The following TRIP11 variants were observed in gnomAD, a reference collection of about 807,000 sequenced individuals.
TRIP11 encodes thyroid receptor-interacting protein 11.
A neutral mutation model predicts 223.1 loss-of-function variants in TRIP11; 148 were observed. The ratio of observed to expected loss-of-function variants is 0.66; its 90% CI spans 0.58 to 0.76. The LOEUF is 0.76. TRIP11 is among the 30% of genes least tolerant of loss of function. The probability of loss-of-function intolerance (pLI) is 0.00; values close to 1 mark genes in which losing one functional copy is unlikely to be tolerated. For missense variants in TRIP11, 2,043 were observed against 2,222.0 expected (o/e 0.92, Z 1.62); for synonymous variants, 762 against 772.6 (o/e 0.99, Z 0.23).
intron 2 of TRIP11, among the ~76,000 whole-genome samples, chr14:92,031,310 G>T (rs2057262704): frequency 2.0e-5 from 3 of 151,966 alleles, no homozygotes; most frequent in South Asian, 4.2e-4. Context: ...GTAGAGACAG[G>T]GTTTCACCAT....
intron 16 of TRIP11, among the ~76,000 whole-genome samples, chr14:91,979,996 T>C (rs866089749): frequency 7.1e-6 from 1 of 141,624 alleles, no homozygotes; most frequent in East Asian, 2.0e-4. Context: ...AAAAAAAAGG[T>C]GGAGGGGGGA....
chr14:92,019,517 AAAG>A (rs1415982369), intron 4 of TRIP11, among the ~76,000 whole-genome samples: 1 of 152,248 alleles, frequency 6.6e-6, no homozygotes, highest in Non-Finnish European at 1.5e-5. Flanking sequence ...GCAACTTGTG[AAAG>A]AAGGAGATAA....
chr14:92,011,621 A>C (rs2056974800), intron 8 of TRIP11, 134 bp downstream of exon 8: 1 of 737,542 alleles, frequency 1.4e-6, no homozygotes, highest in Non-Finnish European at 2.2e-6. Flanking sequence ...ATATATTTAC[A>C]AAATAACTTC....
Position 92,006,067 on chromosome 14 carries a change from T to G in TRIP11, c.1909A>C (p.Ser637Arg), listed in dbSNP as rs780985679. ...LMQSLNQDSN[S>R]NFKDTLLKER... Reference sequence around the variant, plus strand: ...TTAAGTAAGGTATCCTTAAAATTACTATTAGAGTCTTGATTTAGAGACTGC... The same window carrying G: ...TTAAGTAAGGTATCCTTAAAATTACGATTAGAGTCTTGATTTAGAGACTGC... The change falls in exon 11 of 21, where the codon AGT (serine) becomes CGT (arginine). Residue 637 changes from serine to arginine, a missense_variant. Transcript: ENST00000267622. 6.3e-7 allele frequency: 1 copy of G among 1,585,414 alleles called. No homozygotes were observed. The highest frequency in any genetic ancestry group is 1.2e-5 in the South Asian group (1 of 84,530).
chr14:92,023,045 TA>T (rs1566871045), intron 3 of TRIP11, among the ~76,000 whole-genome samples: 1 of 152,214 alleles, frequency 6.6e-6, no homozygotes, highest in Non-Finnish European at 1.5e-5. Context: ...TAGCTATATT[TA>T]AAAAGCTATC....
At position 91,992,908 on chromosome 14, in the gene TRIP11, CAAAAAAAAAAAAAAAAA is replaced by C. The variant is rs550702989; in HGVS notation, c.5160+884_5160+900del. On this transcript the variant is annotated intron_variant, in intron 15 of 20. Coordinates refer to ENST00000267622, the MANE Select transcript of TRIP11 (RefSeq NM_004239.4). ...TGGGCAACAGAGCGAGACTCCGTCT[CAAAAAAAAAAAAAAAAA>C]AAAAAAAAAAAAAAAGACAAGTTTC... is the stretch of plus-strand genomic sequence containing the variant. Among the ~76,000 whole-genome samples the C allele has an allele frequency of 1.5e-3, 45 of 29,258 alleles. 1 individual carries two copies. In the East Asian group the frequency reaches 0.027, roughly 18 times the overall value. 19.2% of individuals were successfully genotyped at this position (29,258 alleles called of 152,430 possible).
intron 16 of TRIP11, chr14:91,977,178 C>T (rs984555907): frequency 1.6e-5 from 7 of 448,548 alleles, no homozygotes; most frequent in African/African-American, 8.1e-5. Context: ...ATACAAGTTC[C>T]GTTATCAGAT....
At chr14:91,991,904 G>A (rs999092478) in intron 15 of TRIP11, among the ~76,000 whole-genome samples, 3 of 151,760 alleles carry the variant, frequency 2.0e-5, no homozygotes, top group Non-Finnish European at 4.4e-5. Flanking sequence ...CCAACATGGT[G>A]AAACCCTGTC....
At chr14:92,029,075 T>C (rs538158503) in intron 2 of TRIP11, among the ~76,000 whole-genome samples, 4 of 152,230 alleles carry the variant, frequency 2.6e-5, no homozygotes, top group African/African-American at 7.2e-5. Context: ...AGAAAAATCA[T>C]GGGAGCAAAA....
intron 19 of TRIP11, among the ~76,000 whole-genome samples, chr14:91,973,983 G>A (rs540977050): frequency 2.6e-5 from 4 of 152,262 alleles, no homozygotes; most frequent in South Asian, 2.1e-4. Context: ...AGCCAAGATC[G>A]CACCACTGCA....
At position 91,975,233 on chromosome 14, in the gene TRIP11, C is replaced by G. The variant is rs1250482723; in HGVS notation, c.5396G>C (p.Arg1799Pro). 5.0e-6 allele frequency: 8 copies of G among 1,613,726 alleles called. No individual in the cohort carries two copies. The highest frequency in any genetic ancestry group is 6.8e-6 in the Non-Finnish European group (8 of 1,179,822). ...IGHFHTPKNQ[R>P]HEVLRLMGSI... is the part of the protein sequence containing the mutation. ...CCCCATTAACCGTAACACTTCATGA[C>G]GCTGATTTTTCGGTGTGTGGAAATG... Residue 1799 changes from arginine to proline, a missense_variant, in exon 18 of 21, where the codon CGT becomes CCT. By Grantham distance (103) the Arg-to-Pro change is moderately radical. Transcript: ENST00000267622.
intron 13 of TRIP11, among the ~76,000 whole-genome samples, chr14:91,997,276 TACA>T (rs1422690978): frequency 2.0e-5 from 3 of 152,138 alleles, no homozygotes; most frequent in East Asian, 1.9e-4. Context: ...GAGTTACTCA[TACA>T]ACAAGTATTT....
chr14:92,010,032 C>T (rs982960258), intron 9 of TRIP11, among the ~76,000 whole-genome samples: 12 of 152,164 alleles, frequency 7.9e-5, no homozygotes, highest in African/African-American at 1.2e-4. Context: ...TAAATTAAGA[C>T]ACTGGCCTTT....
chr14:91,996,139 C>A (rs1254111832), intron 13 of TRIP11, among the ~76,000 whole-genome samples: 1 of 152,134 alleles, frequency 6.6e-6, no homozygotes, highest in East Asian at 1.9e-4. Flanking sequence ...AACTCCATAC[C>A]CATTAAATAG....
intron 2 of TRIP11, among the ~76,000 whole-genome samples, chr14:92,030,165 C>G (rs1200383018): frequency 1.5e-5 from 2 of 133,912 alleles, no homozygotes; most frequent in Non-Finnish European, 3.1e-5. Context: ...CCACTGCACT[C>G]TGCACTCCAG....
chr14:91,990,782 G>T (rs2056661968), intron 15 of TRIP11, among the ~76,000 whole-genome samples: 1 of 152,214 alleles, frequency 6.6e-6, no homozygotes, highest in Non-Finnish European at 1.5e-5. Flanking sequence ...TTTGAGACCA[G>T]CCTGGACAAC....
intron 4 of TRIP11, among the ~76,000 whole-genome samples, chr14:92,018,614 T>G (rs954523393): frequency 1.3e-5 from 2 of 152,150 alleles, no homozygotes; most frequent in Admixed American, 6.5e-5. Context: ...AAAACACGTG[T>G]GTTTGAATCA....
At chr14:92,007,489 T>G (rs975241603) in intron 10 of TRIP11, 151 bp downstream of exon 10, 1 of 829,148 alleles carries the variant, frequency 1.2e-6, no homozygotes, top group Non-Finnish European at 2.0e-6. Flanking sequence ...CAATATGGCC[T>G]ACAAGGCCAA....
At chr14:92,011,867 G>A (rs1184519165) in intron 7 of TRIP11, 72 bp from the exon 8 acceptor site, 5 of 1,410,474 alleles carry the variant, frequency 3.5e-6, no homozygotes, top group East Asian at 2.3e-5. Context: ...ATTAAACTCA[G>A]AAATGCAACC....
Sources: gnomAD v4.1 joint callset for allele counts (sites outside exome capture counted in the v4.1 genomes callset) on GRCh38, gnomAD v4.1.1 for gene constraint, MANE v1.5 for transcripts, NCBI Gene and HGNC (gene_info 2026-07-23, HGNC 2026-07-21) for gene names.